The following SPIDR variants were observed in gnomAD, a reference collection of about 807,000 sequenced individuals.
The protein encoded by SPIDR is scaffold protein involved in DNA repair, also known as DNA repair-scaffolding protein.
SPIDR carries 93 observed loss-of-function variants against 104.6 expected under a neutral mutation model. That is an observed-to-expected ratio of 0.89 (90% CI 0.75 to 1.06). SPIDR has a LOEUF of 1.06. SPIDR is among the 50% of genes least tolerant of loss of function. SPIDR has a pLI of 0.00. For missense variants in SPIDR, 1,154 were observed against 1,111.2 expected (o/e 1.04, Z -0.55); for synonymous variants, 431 against 416.9 (o/e 1.03, Z -0.41).
intron 8 of SPIDR, among the ~76,000 whole-genome samples, chr8:47,595,321 C>A (rs1038621496): frequency 6.6e-6 from 1 of 152,178 alleles, no homozygotes. Context: ...GCTCTATTTC[C>A]TGACTCCTTT....
At chr8:47,511,135 A>C (rs2082254528) in intron 8 of SPIDR, 2 of 1,537,968 alleles carry the variant, frequency 1.3e-6, no homozygotes, top group Non-Finnish European at 1.8e-6. Flanking sequence ...CATGAGGATA[A>C]AGCTGGTGGC....
chr8:47,266,867 C>G (rs2034179713), intron 1 of SPIDR, among the ~76,000 whole-genome samples: 1 of 152,092 alleles, frequency 6.6e-6, no homozygotes, highest in African/African-American at 2.4e-5. Context: ...AAAAAGAAAC[C>G]CCATAGCTAT....
chr8:47,287,577 A>G (rs1315351072), intron 3 of SPIDR, among the ~76,000 whole-genome samples: 7 of 152,088 alleles, frequency 4.6e-5, no homozygotes, highest in African/African-American at 7.2e-5. Context: ...TCCCCAGGGT[A>G]TTAATTATTA....
intron 8 of SPIDR, among the ~76,000 whole-genome samples, chr8:47,510,376 G>T (rs2154375636): frequency 6.6e-6 from 1 of 152,314 alleles, no homozygotes; most frequent in South Asian, 2.1e-4. Flanking sequence ...TGTAGCAAAT[G>T]TCAAAAGAAA....
chr8:47,606,029 G>A (rs1044987792), intron 10 of SPIDR, among the ~76,000 whole-genome samples: 1 of 152,166 alleles, frequency 6.6e-6, no homozygotes, highest in Non-Finnish European at 1.5e-5. Context: ...TCAACAAGGA[G>A]TTGATGCCCA....
At chr8:47,670,019 A>T (rs1322378610) in intron 10 of SPIDR, among the ~76,000 whole-genome samples, 1 of 152,302 alleles carries the variant, frequency 6.6e-6, no homozygotes, top group Non-Finnish European at 1.5e-5. Context: ...ATCAATAAAA[A>T]TAAAATAACA....
chr8:47,284,123 G>A (rs2038342027), intron 3 of SPIDR, 29 bp downstream of exon 3: 14 of 1,541,184 alleles, frequency 9.1e-6, no homozygotes, highest in South Asian at 1.2e-5. Flanking sequence ...TCTTGACAGA[G>A]AAGATATAAG....
rs185345896 is a variant in SPIDR, at chr8:47,556,669, G to A, written c.1098-39142G>A. On this transcript the variant is annotated intron_variant, in intron 8 of 19. Transcript: ENST00000297423. ...GAGTGGAGCATAGTGGCACAATCACGGCTTACTGCAGCCTCACACTCCTGG... is the reference window on the plus strand; with the variant it reads ...GAGTGGAGCATAGTGGCACAATCACAGCTTACTGCAGCCTCACACTCCTGG... 2.7e-3 allele frequency among the ~76,000 whole-genome samples: 417 copies of A among 152,168 alleles called. 2 individuals are homozygous for A. The highest frequency in any genetic ancestry group is 8.7e-3 in the African/African-American group (361 of 41,524).
At chr8:47,492,274 G>C (rs377732917) in intron 8 of SPIDR, among the ~76,000 whole-genome samples, 45 of 152,234 alleles carry the variant, frequency 3.0e-4, no homozygotes, top group African/African-American at 1.1e-3. Context: ...GGCCTGGACT[G>C]CACCTACACA....
chr8:47,460,989 A>G (rs2073840957), intron 8 of SPIDR, among the ~76,000 whole-genome samples: 1 of 152,204 alleles, frequency 6.6e-6, no homozygotes, highest in South Asian at 2.1e-4. Flanking sequence ...ATAGGGCCCC[A>G]ATCCCTTCTA....
chr8:47,558,197 G>C (rs898404255), intron 8 of SPIDR, among the ~76,000 whole-genome samples: 1 of 152,042 alleles, frequency 6.6e-6, no homozygotes, highest in South Asian at 2.1e-4. Context: ...TACTTACTTG[G>C]TACTATGTTC....
intron 5 of SPIDR, among the ~76,000 whole-genome samples, chr8:47,369,150 C>A (rs1041111533): frequency 6.6e-6 from 1 of 152,194 alleles, no homozygotes; most frequent in Non-Finnish European, 1.5e-5. Context: ...AAGATTCTCA[C>A]ATTGTGCAGG....
chr8:47,305,318 C>T (rs1266616586), intron 5 of SPIDR, among the ~76,000 whole-genome samples: 2 of 152,178 alleles, frequency 1.3e-5, no homozygotes, highest in Non-Finnish European at 2.9e-5. Flanking sequence ...GAGTGAGACT[C>T]AGGCACATTT....
intron 10 of SPIDR, among the ~76,000 whole-genome samples, chr8:47,662,621 A>G (rs367590564): frequency 1.2e-4 from 18 of 152,316 alleles, no homozygotes; most frequent in African/African-American, 4.3e-4. Flanking sequence ...TTCCAAGAGA[A>G]AATAATTTTT....
At chr8:47,387,802 G>T (rs1171232401) in intron 5 of SPIDR, among the ~76,000 whole-genome samples, 1 of 152,182 alleles carries the variant, frequency 6.6e-6, no homozygotes, top group Admixed American at 6.5e-5. Flanking sequence ...CTCCACAACA[G>T]TCTTCTCAAC....
intron 5 of SPIDR, among the ~76,000 whole-genome samples, chr8:47,364,404 A>C (rs1169161558): frequency 6.6e-6 from 1 of 152,192 alleles, no homozygotes; most frequent in Admixed American, 6.5e-5. Flanking sequence ...ATTTGGGTCA[A>C]AAGTAATCAA....
At chr8:47,654,229 G>T (rs2072260375) in intron 10 of SPIDR, 1 of 1,250,662 alleles carries the variant, frequency 8.0e-7, no homozygotes. Context: ...AGAAAGGAAA[G>T]AACAGGGTTT....
chr8:47,391,995 CAAA>C (rs556134389), intron 5 of SPIDR, among the ~76,000 whole-genome samples: 9 of 46,488 alleles, frequency 1.9e-4, no homozygotes, highest in African/African-American at 5.1e-4. Context: ...GACTCCGTCT[CAAA>C]AAAAAAAAAA....
At chr8:47,729,704 C>A in intron 19 of SPIDR, 1 of 522,680 alleles carries the variant, frequency 1.9e-6, no homozygotes, top group Non-Finnish European at 3.3e-6. Flanking sequence ...GGAATCTGTC[C>A]CCTGGCTTTT....
Sources: gnomAD v4.1 joint callset for allele counts (sites outside exome capture counted in the v4.1 genomes callset) on GRCh38, gnomAD v4.1.1 for gene constraint, MANE v1.5 for transcripts, NCBI Gene and HGNC (gene_info 2026-07-23, HGNC 2026-07-21) for gene names.